The following NPHS1 variants were observed in gnomAD, a reference collection of about 807,000 sequenced individuals.
NPHS1 encodes the protein nephrin.
In NPHS1, 107 loss-of-function variants were observed where a neutral mutation model predicts 139.7. The ratio of observed to expected loss-of-function variants is 0.77; its 90% CI spans 0.66 to 0.90. NPHS1 has a LOEUF of 0.90. Among genes scored for constraint, NPHS1 ranks in the 40% least tolerant of loss-of-function variants. The pLI, the probability that NPHS1 is intolerant of heterozygous loss-of-function variation, is 0.00. For synonymous variants in NPHS1, 707 were observed against 706.6 expected (o/e 1.00, Z -0.01); for missense variants, 1,580 against 1,654.2 (o/e 0.96, Z 0.78).
chr19:35,849,585 G>C lies in NPHS1; in HGVS notation c.677C>G (p.Ala226Gly). 1 of 1,614,068 alleles carries C rather than the reference G, an allele frequency of 6.2e-7. No individual in the cohort carries two copies. Among genetic ancestry groups the C allele is most frequent in the Non-Finnish European group, 8.5e-7 (1 of 1,179,966 alleles). ...CACGGTGAATGAGGCCTTGATGGGG[G>C]CCTCCAGTGCTGGGCTAGACGCCTC... ...VCEASSPALEAPIKASFTVNV... is the reference protein window; with the variant it reads ...VCEASSPALEGPIKASFTVNV... Residue 226 changes from alanine to glycine, a missense_variant, in exon 6 of 29, where the codon GCC becomes GGC. Transcript: ENST00000378910.
In NPHS1 at chr19:35,845,924, G is replaced by T; in HGVS notation, c.1627+84C>A. The T allele has an allele frequency of 6.6e-7, 1 of 1,521,762 alleles. No homozygotes were observed. Among genetic ancestry groups the T allele is most frequent in the Non-Finnish European group, 8.8e-7 (1 of 1,130,680 alleles). The allele number at this position is 1,521,762 out of a possible 1,614,324, so 94.3% of individuals were successfully genotyped here. ...CACCCCGCCTCCGCCCGCTTTCCCC[G>T]GGTCCAGGGTTCGCTGGGTCCCTGC... On this transcript the variant is annotated intron_variant, in intron 12 of 28. Coordinates refer to ENST00000378910, the MANE Select transcript of NPHS1 (RefSeq NM_004646.4). This position sits in a 1 kb window ranked among gnomAD's most constrained non-coding sequence, Gnocchi z 5.5.
chr19:35,842,839 T>C (rs1235035565), intron 17 of NPHS1, among the ~76,000 whole-genome samples: 2 of 152,102 alleles, frequency 1.3e-5, no homozygotes, highest in South Asian at 4.2e-4. Context: ...TTCATCCATT[T>C]ATCTTTCCAT....
Position 35,848,386 on chromosome 19 carries a change from GCCATGCAGTC to G in NPHS1, c.1172_1181del (p.Gly391AlafsTer9). 2 of 1,614,126 alleles carry G rather than the reference GCCATGCAGTC, an allele frequency of 1.2e-6. No homozygotes were observed. Reference sequence around the variant, plus strand: ...TCAGGTTGGACATGGAGATGTGACCGCCATGCAGTCCCTGGCAGGGAGTGAGCTTCAGACG... The same window carrying G: ...TCAGGTTGGACATGGAGATGTGACCGCCTGGCAGGGAGTGAGCTTCAGACG... On this transcript the variant is annotated frameshift_variant and splice_region_variant, in exon 10 of 29. Coordinates refer to ENST00000378910, the MANE Select transcript of NPHS1 (RefSeq NM_004646.4). LOFTEE classifies it high-confidence loss of function.
At chr19:35,841,089 C>G (rs1045020522) in intron 20 of NPHS1, among the ~76,000 whole-genome samples, 1 of 151,702 alleles carries the variant, frequency 6.6e-6, no homozygotes, top group African/African-American at 2.4e-5. Flanking sequence ...GACATGCAGA[C>G]GTAAGAATGA....
intron 8 of NPHS1, 23 bp downstream of exon 8, chr19:35,848,953 G>A (rs1177032606): frequency 6.2e-7 from 1 of 1,611,412 alleles, no homozygotes; most frequent in Non-Finnish European, 8.5e-7. Context: ...ACCGACAGGG[G>A]GGCAGCTGGC....
At position 35,848,024 on chromosome 19, in the gene NPHS1, C is replaced by T. The variant is rs2146826144; in HGVS notation, c.1440+17G>A. 1 of 1,613,300 alleles carries T rather than the reference C, an allele frequency of 6.2e-7. No individual in the cohort carries two copies. Among genetic ancestry groups the T allele is most frequent in the Non-Finnish European group, 8.5e-7 (1 of 1,179,884 alleles). ...CCACATTCCTGGCCACCCCCATAGC[C>T]CTGGCGTGGCACCAACCTTGTACCA... is the stretch of plus-strand genomic sequence containing the variant. On this transcript the variant is annotated intron_variant, in intron 11 of 28. Transcript: ENST00000378910.
rs1973260793 is a variant in NPHS1 at position 35,851,508 on chromosome 19, G to A, written c.223C>T (p.Pro75Ser). 1.9e-6 allele frequency: 3 copies of A among 1,613,632 alleles called. No individual in the cohort carries two copies. In the East Asian group the frequency reaches 6.7e-5, roughly 36 times the overall value. Reference sequence around the variant, plus strand: ...TACCTCGGGAAGCCTGGGATCCTGGGGTCGGGGCCCAGGAGCAGCCCATCT... The same window carrying A: ...TACCTCGGGAAGCCTGGGATCCTGGAGTCGGGGCCCAGGAGCAGCCCATCT... ...AKDGLLLGPDPRIPGFPRYRL... is the reference protein window; with the variant it reads ...AKDGLLLGPDSRIPGFPRYRL... Residue 75 changes from proline to serine, a missense_variant, in exon 2 of 29, where the codon CCC becomes TCC. Pro to Ser is a moderately conservative substitution (Grantham distance 74). Coordinates refer to ENST00000378910, the MANE Select transcript of NPHS1 (RefSeq NM_004646.4).
At chr19:35,836,753 G>A (rs776962827) in intron 22 of NPHS1, among the ~76,000 whole-genome samples, 6 of 152,050 alleles carry the variant, frequency 3.9e-5, no homozygotes, top group Non-Finnish European at 7.4e-5. Context: ...CCAGCACTTT[G>A]AGAGACTGAG....
At chr19:35,849,993 G>T (rs1374704742) in intron 5 of NPHS1, among the ~76,000 whole-genome samples, 1 of 152,188 alleles carries the variant, frequency 6.6e-6, no homozygotes, top group African/African-American at 2.4e-5. Flanking sequence ...TCAGCTCACT[G>T]CAACCTCCAC....
At position 35,838,766 on chromosome 19, in the gene NPHS1, G is replaced by C. The variant is rs1464919435; in HGVS notation, c.3109+471C>G. Among the ~76,000 whole-genome samples, 5 of 151,798 alleles carry C rather than the reference G, an allele frequency of 3.3e-5. No individual in the cohort carries two copies. In the East Asian group the frequency reaches 9.7e-4, roughly 29 times the overall value. ...GAAGACTGAGTCAAGAGAATTGCTTGAACCCAGGAGATGAAGGTTGCAGTG... is the reference window on the plus strand; with the variant it reads ...GAAGACTGAGTCAAGAGAATTGCTTCAACCCAGGAGATGAAGGTTGCAGTG... On this transcript the variant is annotated intron_variant, in intron 22 of 28. Coordinates refer to ENST00000378910, the MANE Select transcript of NPHS1 (RefSeq NM_004646.4).
chr19:35,844,934 G>A (rs1033507732), intron 14 of NPHS1, among the ~76,000 whole-genome samples: 1 of 152,044 alleles, frequency 6.6e-6, no homozygotes, highest in African/African-American at 2.4e-5. Context: ...AGATCGGCCC[G>A]GGCAACATAG....
At chr19:35,838,355 C>G (rs1973004851) in intron 22 of NPHS1, among the ~76,000 whole-genome samples, 2 of 151,872 alleles carry the variant, frequency 1.3e-5, no homozygotes, top group Non-Finnish European at 2.9e-5. Context: ...GAGTTCAAGA[C>G]CAGCCTGGCC....
chr19:35,847,777 C>T (rs1040597861), intron 11 of NPHS1: 5 of 338,676 alleles, frequency 1.5e-5, no homozygotes, highest in African/African-American at 8.5e-5. Flanking sequence ...ATGAAATTAC[C>T]TTTTCTCTAG....
At chr19:35,842,716 A>G (rs1429419610) in intron 17 of NPHS1, among the ~76,000 whole-genome samples, 166 bp from the exon 18 acceptor site, 3 of 152,076 alleles carry the variant, frequency 2.0e-5, no homozygotes, top group East Asian at 3.8e-4. Context: ...TACTCAATCC[A>G]TCTTTTCATC....
chr19:35,849,557 A>G lies in NPHS1; in HGVS notation c.705T>C (p.Asn235=). ...GCCCAGTTCTCCACTTACACAGAACATTCACGGTGAATGAGGCCTTGATGG... is the reference window on the plus strand; with the variant it reads ...GCCCAGTTCTCCACTTACACAGAACGTTCACGGTGAATGAGGCCTTGATGG... The part of the protein sequence containing the change: ...EAPIKASFTV[N]VLFPPGPPVI... Residue 235 remains asparagine (N), a synonymous_variant, in exon 6 of 29, where the codon AAT becomes AAC. Transcript: ENST00000378910. 2 of 1,613,704 alleles carry G rather than the reference A, an allele frequency of 1.2e-6. No individual in the cohort carries two copies. The highest frequency in any genetic ancestry group is 1.7e-6 in the Non-Finnish European group (2 of 1,179,676).
Position 35,825,480 on chromosome 19 carries a change from C to A in NPHS1, c.*1034G>T, listed in dbSNP as rs1430242042. On this transcript the variant is annotated 3_prime_UTR_variant, in exon 29 of 29. Transcript: ENST00000378910. ...TTGACAAATCTGTGCACCCGTGCAA[C>A]CACCACCACAATCGTTATATAGAAT... 6.6e-6 allele frequency among the ~76,000 whole-genome samples: 1 copy of A among 152,108 alleles called. No homozygotes were observed. Among genetic ancestry groups the A allele is most frequent in the Non-Finnish European group, 1.5e-5 (1 of 68,018 alleles).
Position 35,846,189 on chromosome 19 carries a change from C to T in NPHS1, c.1446G>A (p.Ser482=), listed in dbSNP as rs1973138733. Residue 482 remains serine (S), a synonymous_variant, in exon 12 of 29, where the codon TCG becomes TCA. Coordinates refer to ENST00000378910, the MANE Select transcript of NPHS1 (RefSeq NM_004646.4). The part of the protein sequence containing the change: ...PEPSLMWYKD[S]RTVTESRLPQ... ...GCAGCCGCGACTCGGTCACGGTGCG[C>T]GAGTCCTACGGGCCGGGAGTGACTG... is the stretch of plus-strand genomic sequence containing the variant. 1 of 1,587,270 alleles carries T rather than the reference C, an allele frequency of 6.3e-7. No individual in the cohort carries two copies.
chr19:35,836,195 G>A (rs1411024093), intron 22 of NPHS1, among the ~76,000 whole-genome samples: 8 of 145,536 alleles, frequency 5.5e-5, no homozygotes, highest in African/African-American at 7.6e-5. Context: ...TCCTGACCTC[G>A]TGATTCGCCC....
In NPHS1 at chr19:35,844,105, T is replaced by C; in HGVS notation, c.2210A>G (p.His737Arg). The change falls in exon 16 of 29, where the codon CAC (histidine) becomes CGC (arginine). Residue 737 changes from histidine to arginine, a missense_variant and splice_region_variant. Physicochemically the swap from His to Arg is conservative, Grantham distance 29. Transcript: ENST00000378910. ...TAEARLRLDV[H>R]YAPTIRALQD... is the part of the protein sequence containing the mutation. ...TTTCCATGGTGGGCGGGGCTCACAG[T>C]GCACGTCCAGCCGCAGCCGCGCTTC... 6.2e-7 allele frequency: 1 copy of C among 1,606,828 alleles called. No homozygotes were observed. The highest frequency in any genetic ancestry group is 8.5e-7 in the Non-Finnish European group (1 of 1,179,766).
Sources: gnomAD v4.1 joint callset for allele counts (sites outside exome capture counted in the v4.1 genomes callset) on GRCh38, gnomAD v4.1.1 for gene constraint, Gnocchi (gnomAD v3.1) non-coding constraint, MANE v1.5 for transcripts, NCBI Gene and HGNC (gene_info 2026-07-23, HGNC 2026-07-21) for gene names.